PIAS1: variants seen among roughly 807,000 people sequenced by gnomAD.
PIAS1 encodes the protein protein inhibitor of activated STAT 1.
A neutral mutation model predicts 71.3 loss-of-function variants in PIAS1; 6 were observed. That is an observed-to-expected ratio of 0.08 (90% CI 0.05 to 0.17). The LOEUF is 0.17. Among genes scored for constraint, PIAS1 ranks in the 10% least tolerant of loss-of-function variants. The pLI, the probability that PIAS1 is intolerant of heterozygous loss-of-function variation, is 1.00. For synonymous variants in PIAS1, 303 were observed against 292.9 expected, an observed-to-expected ratio of 1.03 and a Z score of -0.35; for missense variants, 555 against 793.6, an observed-to-expected ratio of 0.70 and a Z score of 3.61.
chr15:68,099,209 A>T (rs1417836669), intron 2 of PIAS1, among the ~76,000 whole-genome samples: 1 of 150,168 alleles, frequency 6.7e-6, no homozygotes. Context: ...TTATGAGCGG[A>T]GTTTTACTCT....
chr15:68,155,514 T>A (rs889871428), intron 7 of PIAS1, among the ~76,000 whole-genome samples: 1 of 151,452 alleles, frequency 6.6e-6, no homozygotes, highest in Admixed American at 6.6e-5. Context: ...AAATTCTGTT[T>A]ACAATAACTT....
intron 2 of PIAS1, among the ~76,000 whole-genome samples, chr15:68,131,578 A>G (rs2092688215): frequency 6.6e-6 from 1 of 152,176 alleles, no homozygotes; most frequent in African/African-American, 2.4e-5. Context: ...TTCCACATAT[A>G]AGTGAGAGCA....
chr15:68,172,749 G>T (rs1197011877), intron 8 of PIAS1, among the ~76,000 whole-genome samples: 1 of 152,234 alleles, frequency 6.6e-6, no homozygotes, highest in Admixed American at 6.5e-5. Context: ...ACCTCCCTGT[G>T]CAGGTTTCTG....
intron 6 of PIAS1, among the ~76,000 whole-genome samples, chr15:68,147,760 C>T (rs746703101): frequency 2.0e-5 from 3 of 151,520 alleles, no homozygotes; most frequent in African/African-American, 7.3e-5. Flanking sequence ...GTAAAAATTG[C>T]TTTCTTTCAC....
chr15:68,061,832 A>C (rs897375164), intron 1 of PIAS1, among the ~76,000 whole-genome samples: 19 of 152,168 alleles, frequency 1.2e-4, no homozygotes, highest in Admixed American at 8.5e-4. Context: ...GCCCCATTCC[A>C]CTTTGTGTGT....
intron 8 of PIAS1, among the ~76,000 whole-genome samples, chr15:68,165,952 A>T (rs559124212): frequency 2.0e-5 from 3 of 152,310 alleles, no homozygotes; most frequent in South Asian, 2.1e-4. Flanking sequence ...TTAATCTCAG[A>T]TGATGATGAA....
At chr15:68,091,897 A>G (rs965951107) in intron 2 of PIAS1, among the ~76,000 whole-genome samples, 1 of 152,182 alleles carries the variant, frequency 6.6e-6, no homozygotes, top group Non-Finnish European at 1.5e-5. Context: ...AGGTACTCGA[A>G]GTAATTTCTA....
At chr15:68,153,221 C>T (rs1284992134) in intron 6 of PIAS1, among the ~76,000 whole-genome samples, 2 of 152,102 alleles carry the variant, frequency 1.3e-5, no homozygotes. Flanking sequence ...TTGGCTTATA[C>T]TTAGTCTTAA....
chr15:68,101,008 G>A (rs577004076), intron 2 of PIAS1, among the ~76,000 whole-genome samples: 1 of 151,256 alleles, frequency 6.6e-6, no homozygotes, highest in African/African-American at 2.4e-5. Context: ...TGATCCTCCC[G>A]CCTCTCAAGC....
At position 68,187,942 on chromosome 15, in the gene PIAS1, A is replaced by G; in HGVS notation, c.*107A>G. 9.6e-7 allele frequency: 1 copy of G among 1,046,028 alleles called. No homozygotes were observed. The highest frequency in any genetic ancestry group is 1.4e-6 in the Non-Finnish European group (1 of 734,724). 64.8% of individuals were successfully genotyped at this position (1,046,028 alleles called of 1,614,324 possible). A position where few individuals can be genotyped will look rare whatever the true frequency, so the allele number is the denominator to read the frequency against. ...CTTACTCTGTTTAGAAAAGTATACA[A>G]GCGTGTTTTTTTTCCTTTTTTTAGG... On this transcript the variant is annotated 3_prime_UTR_variant, in exon 14 of 14. Coordinates refer to ENST00000249636, the MANE Select transcript of PIAS1 (RefSeq NM_016166.3). This position sits in a 1 kb window ranked among gnomAD's most constrained non-coding sequence, Gnocchi z 5.3.
chr15:68,128,575 A>G (rs1285918371), intron 2 of PIAS1, among the ~76,000 whole-genome samples: 1 of 145,950 alleles, frequency 6.9e-6, no homozygotes, highest in African/African-American at 2.8e-5. Context: ...ATTCTGATCT[A>G]AAAAAAAATT....
At chr15:68,073,484 A>G (rs1201316861) in intron 1 of PIAS1, among the ~76,000 whole-genome samples, 1 of 152,240 alleles carries the variant, frequency 6.6e-6, no homozygotes, top group African/African-American at 2.4e-5. Context: ...GCCTCTCTAC[A>G]TATGGCATAA....
At chr15:68,103,430 A>AT (rs1271172464) in intron 2 of PIAS1, among the ~76,000 whole-genome samples, 1 of 139,480 alleles carries the variant, frequency 7.2e-6, no homozygotes, top group Non-Finnish European at 1.6e-5. Context: ...GTTCTTTTTG[A>AT]TTTTTTGTTT....
In PIAS1 at chr15:68,187,085, T is replaced by C. The variant is rs188408555; in HGVS notation, c.1663-457T>C. Reference sequence around the variant, plus strand: ...TTAAAATTTAAATAAAAATTCTAACTTTCAGTGGTGCCTGAGTGTATAATA... The same window carrying C: ...TTAAAATTTAAATAAAAATTCTAACCTTCAGTGGTGCCTGAGTGTATAATA... On this transcript the variant is annotated intron_variant, in intron 13 of 13. Transcript: ENST00000249636. This position sits in a 1 kb window ranked among gnomAD's most constrained non-coding sequence, Gnocchi z 5.3. Among the ~76,000 whole-genome samples, 2 of 152,340 alleles carry C rather than the reference T, an allele frequency of 1.3e-5. No homozygotes were observed. The highest frequency in any genetic ancestry group is 3.9e-4 in the East Asian group (2 of 5,192).
At position 68,187,467 on chromosome 15, in the gene PIAS1, T is replaced by C; in HGVS notation, c.1663-75T>C. ...TCAGGCTATCTTAAATTTAGGGCTGTGTCCCGCTGAGGAGAAAATATATTA... is the reference window on the plus strand; with the variant it reads ...TCAGGCTATCTTAAATTTAGGGCTGCGTCCCGCTGAGGAGAAAATATATTA... On this transcript the variant is annotated intron_variant, in intron 13 of 13. Coordinates refer to ENST00000249636, the MANE Select transcript of PIAS1 (RefSeq NM_016166.3). The surrounding 1 kb of genome is among the most constrained non-coding windows in gnomAD (Gnocchi z 5.3). The C allele has an allele frequency of 7.4e-7, 1 of 1,354,868 alleles. No individual in the cohort carries two copies. The highest frequency in any genetic ancestry group is 1.0e-6 in the Non-Finnish European group (1 of 965,870). The allele number at this position is 1,354,868 out of a possible 1,614,324, so 83.9% of individuals were successfully genotyped here.
chr15:68,147,728 T>G (rs1440692681), intron 6 of PIAS1, among the ~76,000 whole-genome samples: 4 of 152,188 alleles, frequency 2.6e-5, no homozygotes, highest in Non-Finnish European at 4.4e-5. Flanking sequence ...TTAGTTCATA[T>G]TAAATATATG....
At chr15:68,076,894 G>A (rs969553437) in intron 1 of PIAS1, among the ~76,000 whole-genome samples, 1 of 152,132 alleles carries the variant, frequency 6.6e-6, no homozygotes, top group Admixed American at 6.6e-5. Context: ...ACATAAACTG[G>A]AAAATCAGTG....
At chr15:68,071,144 T>C (rs533924044) in intron 1 of PIAS1, among the ~76,000 whole-genome samples, 1 of 152,262 alleles carries the variant, frequency 6.6e-6, no homozygotes, top group East Asian at 1.9e-4. Context: ...TTCATTGAGT[T>C]GCTGGTGCTT....
At chr15:68,125,581 G>A (rs1427493128) in intron 2 of PIAS1, among the ~76,000 whole-genome samples, 1 of 152,088 alleles carries the variant, frequency 6.6e-6, no homozygotes, top group Non-Finnish European at 1.5e-5. Context: ...TGATAATTTG[G>A]CTGGGTGTAG....
Sources: allele counts gnomAD v4.1 joint callset (sites outside exome capture counted in the v4.1 genomes callset), GRCh38; gene constraint gnomAD v4.1.1; non-coding constraint Gnocchi (gnomAD v3.1); transcripts MANE v1.5; gene names NCBI Gene and HGNC (gene_info 2026-07-23, HGNC 2026-07-21).